Variants in GCN1 observed in about 807,000 individuals in gnomAD.
The protein encoded by GCN1 is GCN1 activator of EIF2AK4.
A neutral mutation model predicts 288.4 loss-of-function variants in GCN1; 90 were observed. The ratio of observed to expected loss-of-function variants is 0.31; its 90% CI spans 0.26 to 0.37. GCN1 has a LOEUF of 0.37. Among genes scored for constraint, GCN1 ranks in the 10% least tolerant of loss-of-function variants. The pLI is 1.00. For synonymous variants in GCN1, 1,386 were observed against 1,420.2 expected (o/e 0.98, Z 0.54); for missense variants, 2,586 against 3,419.9 (o/e 0.76, Z 6.08).
At chr12:120,143,587 G>GA (rs554287116) in intron 42 of GCN1, among the ~76,000 whole-genome samples, 27,015 of 132,554 alleles carry the variant, frequency 0.2, 2,873 homozygotes, top group East Asian at 0.45. Flanking sequence ...GTCTCAAAAA[G>GA]GAAAAAAAAA....
chr12:120,129,764 G>A (rs968625357), intron 56 of GCN1, among the ~76,000 whole-genome samples: 4 of 152,150 alleles, frequency 2.6e-5, no homozygotes, highest in African/African-American at 9.7e-5. Flanking sequence ...CCCACAGCTT[G>A]GGCCGTGCTT....
chr12:120,188,581 G>A (rs1480478344), intron 2 of GCN1, among the ~76,000 whole-genome samples: 1 of 151,756 alleles, frequency 6.6e-6, no homozygotes, highest in African/African-American at 2.4e-5. Flanking sequence ...AAATGTTTTT[G>A]GCTGGGCGCG....
At position 120,144,495 on chromosome 12, in the gene GCN1, C is replaced by A; in HGVS notation, c.5353-47G>T. On this transcript the variant is annotated intron_variant, in intron 41 of 57. Transcript: ENST00000300648. The surrounding 1 kb of genome is among the most constrained non-coding windows in gnomAD (Gnocchi z 4.7). Reference sequence around the variant, plus strand: ...CAGCCAGAGCTGCCACCCCCAGGCCCCCAGCCCAAAAAACATGGGGCTCAC... The same window carrying A: ...CAGCCAGAGCTGCCACCCCCAGGCCACCAGCCCAAAAAACATGGGGCTCAC... The A allele has an allele frequency of 6.3e-7, 1 of 1,590,210 alleles. No individual in the cohort carries two copies. The highest frequency in any genetic ancestry group is 8.6e-7 in the Non-Finnish European group (1 of 1,167,448).
intron 14 of GCN1, among the ~76,000 whole-genome samples, chr12:120,172,257 A>G (rs1384906365): frequency 1.3e-5 from 2 of 152,226 alleles, no homozygotes; most frequent in East Asian, 3.8e-4. Flanking sequence ...TGGAAAATCT[A>G]TGACTTCAAT....
rs566820018 is a variant in GCN1, at chr12:120,164,952, CATATACACAT to C, written c.1613-241_1613-232del. On this transcript the variant is annotated intron_variant, in intron 16 of 57. Coordinates refer to ENST00000300648, the MANE Select transcript of GCN1 (RefSeq NM_006836.2). Reference sequence around the variant, plus strand: ...ATTTATTTTATATATAATATACACACATATACACATATATACACATATATATACATATACA... The same window carrying C: ...ATTTATTTTATATATAATATACACACATATACACATATATATACATATACA... Among the ~76,000 whole-genome samples the C allele has an allele frequency of 9.1e-3, 1,337 of 146,920 alleles. 12 individuals are homozygous for C. The highest frequency in any genetic ancestry group is 0.025 in the Middle Eastern group (7 of 278).
chr12:120,154,924 C>T (rs1877690327), intron 31 of GCN1, 46 bp downstream of exon 31: 3 of 1,531,064 alleles, frequency 2.0e-6, no homozygotes, highest in Non-Finnish European at 2.7e-6. Flanking sequence ...CAACCTGCCA[C>T]ATCTCACAAA....
Position 120,184,917 on chromosome 12 carries a change from C to G in GCN1, c.122-30G>C, listed in dbSNP as rs762717204. The G allele has an allele frequency of 5.3e-6, 8 of 1,497,198 alleles. 1 individual carries two copies. 92.7% of individuals were successfully genotyped at this position (1,497,198 alleles called of 1,614,324 possible). A position where few individuals can be genotyped will look rare whatever the true frequency, so the allele number is the denominator to read the frequency against. ...AACCAGAGATTACACAGACAGCGGTCAATAAAAATCACTTGGTAAGCCGCT... is the reference window on the plus strand; with the variant it reads ...AACCAGAGATTACACAGACAGCGGTGAATAAAAATCACTTGGTAAGCCGCT... On this transcript the variant is annotated intron_variant, in intron 2 of 57. Coordinates refer to ENST00000300648, the MANE Select transcript of GCN1 (RefSeq NM_006836.2).
At chr12:120,170,376 G>C in intron 14 of GCN1, 55 bp from the exon 15 acceptor site, 1 of 1,517,786 alleles carries the variant, frequency 6.6e-7, no homozygotes, top group South Asian at 1.1e-5. Context: ...GAAATGACAG[G>C]ACTGAGAAAG....
chr12:120,173,475 T>G (rs990436508), intron 14 of GCN1, among the ~76,000 whole-genome samples, 178 bp downstream of exon 14: 1 of 152,238 alleles, frequency 6.6e-6, no homozygotes, highest in Non-Finnish European at 1.5e-5. Context: ...AGCCAGAATT[T>G]GTTGTGAAGA....
At chr12:120,150,367 C>A (rs538291342) in intron 34 of GCN1, among the ~76,000 whole-genome samples, 2 of 151,984 alleles carry the variant, frequency 1.3e-5, no homozygotes, top group South Asian at 4.2e-4. Flanking sequence ...GAGGCTGAGG[C>A]AGGCAGATCA....
chr12:120,168,342 A>C, intron 15 of GCN1, 42 bp from the exon 16 acceptor site: 3 of 1,155,548 alleles, frequency 2.6e-6, no homozygotes, highest in Non-Finnish European at 3.9e-6. Context: ...AGCTCACCAC[A>C]TCCCCCAGAG....
At chr12:120,135,193 A>G (rs536693121) in intron 51 of GCN1, among the ~76,000 whole-genome samples, 2 of 152,358 alleles carry the variant, frequency 1.3e-5, no homozygotes, top group South Asian at 4.1e-4. Flanking sequence ...CGCACTCCAC[A>G]TTCAGCCCTC....
rs1877218681 is a variant in GCN1, at chr12:120,142,184, G to C, written c.5829+323C>G. Among the ~76,000 whole-genome samples the C allele has an allele frequency of 6.6e-6, 1 of 152,066 alleles. No individual in the cohort carries two copies. The highest frequency in any genetic ancestry group is 6.6e-5 in the Admixed American group (1 of 15,262). ...TACTAAAAATATAAAAAAATGGCCAGGTGTGGTGGTGGATGCCTGTAGTCC... is the reference window on the plus strand; with the variant it reads ...TACTAAAAATATAAAAAAATGGCCACGTGTGGTGGTGGATGCCTGTAGTCC... On this transcript the variant is annotated intron_variant, in intron 44 of 57. Transcript: ENST00000300648. The surrounding 1 kb of genome is among the most constrained non-coding windows in gnomAD (Gnocchi z 4.9).
Position 120,161,936 on chromosome 12 carries a change from C to T in GCN1, c.2286G>A (p.Glu762=). 6.2e-7 allele frequency: 1 copy of T among 1,614,128 alleles called. No homozygotes were observed. The highest frequency in any genetic ancestry group is 1.3e-5 in the African/African-American group (1 of 75,048). Residue 762 remains glutamate, a synonymous_variant, in exon 21 of 58, where the codon GAG becomes GAA. Coordinates refer to ENST00000300648, the MANE Select transcript of GCN1 (RefSeq NM_006836.2). ...NPALRLVTRE[E]FAIMQTPAGE... ...CAGCAGGGGTCTGCATAATGGCAAA[C>T]TCCTCCCGCGTCACCAGGCGCAGTG...
chr12:120,159,245 A>G (rs1341377601), intron 24 of GCN1, among the ~76,000 whole-genome samples: 1 of 152,128 alleles, frequency 6.6e-6, no homozygotes, highest in African/African-American at 2.4e-5. Context: ...GCCAGGTGAC[A>G]CTTCTGGCAG....
intron 36 of GCN1, 50 bp downstream of exon 36, chr12:120,149,556 T>C: frequency 7.7e-7 from 1 of 1,306,110 alleles, no homozygotes; most frequent in Non-Finnish European, 1.1e-6. Flanking sequence ...TTGCTGAGGC[T>C]GGTTTTCATA....
chr12:120,190,381 C>A lies in GCN1; in HGVS notation c.38G>T (p.Arg13Leu). 1 of 1,603,860 alleles carries A rather than the reference C, an allele frequency of 6.2e-7. No homozygotes were observed. The highest frequency in any genetic ancestry group is 8.5e-7 in the Non-Finnish European group (1 of 1,170,722). The change falls in exon 2 of 58, where the codon CGT becomes CTT. Residue 13 changes from arginine to leucine, a missense_variant. Coordinates refer to ENST00000300648, the MANE Select transcript of GCN1 (RefSeq NM_006836.2). ...ADTQVSETLK[R>L]FAGKVTTASV... ...GGCTGTTGTCACCTTCCCTGCAAAA[C>A]GCTTTAGTGTCTCGGAAACCTGTGA... is the stretch of plus-strand genomic sequence containing the variant.
chr12:120,157,058 G>T, intron 26 of GCN1, 66 bp from the exon 27 acceptor site: 2 of 1,025,794 alleles, frequency 1.9e-6, no homozygotes, highest in South Asian at 1.3e-5. Flanking sequence ...GGCGGCCAAC[G>T]GCAGGGCATC....
chr12:120,163,136 C>A lies in GCN1; in HGVS notation c.1972G>T (p.Gly658Cys). The part of the protein sequence containing the change: ...CVISGVPGLK[G>C]DVTDTEQLAQ... ...AGTTGTTCAGTGTCGGTGACATCAC[C>A]CTTGAGCCCTGGCACACCGGAGATG... Residue 658 changes from glycine (G) to cysteine (C), a missense_variant, in exon 19 of 58, where the codon GGT becomes TGT. Physicochemically the swap from Gly to Cys is radical, Grantham distance 159. This residue lies in a region of GCN1 where 913 missense variants were observed against 1,107.0 expected (regional missense o/e 0.82). Coordinates refer to ENST00000300648, the MANE Select transcript of GCN1 (RefSeq NM_006836.2). 1 of 1,614,228 alleles carries A rather than the reference C, an allele frequency of 6.2e-7. No homozygotes were observed. Among genetic ancestry groups the A allele is most frequent in the Non-Finnish European group, 8.5e-7 (1 of 1,180,042 alleles).
Sources: gnomAD v4.1 joint callset for allele counts (sites outside exome capture counted in the v4.1 genomes callset) on GRCh38, gnomAD v4.1.1 for gene constraint, gnomAD v4.1.1 regional missense constraint, Gnocchi (gnomAD v3.1) non-coding constraint, MANE v1.5 for transcripts, NCBI Gene and HGNC (gene_info 2026-07-23, HGNC 2026-07-21) for gene names.